CCL18: variants seen among roughly 807,000 people sequenced by gnomAD.
The protein encoded by CCL18 is C-C motif chemokine ligand 18.
A neutral mutation model predicts 8.0 loss-of-function variants in CCL18; 7 were observed. The ratio of observed to expected loss-of-function variants is 0.87; its 90% CI spans 0.50 to 1.64. CCL18 has a LOEUF of 1.64. CCL18 is among the 40% of genes most tolerant of loss of function. The pLI, the probability that CCL18 is intolerant of heterozygous loss-of-function variation, is 0.00. For synonymous variants in CCL18, 35 were observed against 41.3 expected, an observed-to-expected ratio of 0.85 and a Z score of 0.59; for missense variants, 95 against 107.8, an observed-to-expected ratio of 0.88 and a Z score of 0.52.
intron 1 of CCL18, chr17:36,070,246 A>G: frequency 1.8e-6 from 1 of 547,624 alleles, no homozygotes; most frequent in Non-Finnish European, 3.2e-6. Flanking sequence ...GAGAATGAGA[A>G]ACACCAAGAG....
rs1403785432 is a variant in CCL18, at chr17:36,071,613, T to C, written c.*572T>C. 2 of 152,384 alleles carry C rather than the reference T, an allele frequency of 1.3e-5. No homozygotes were observed. The highest frequency in any genetic ancestry group is 4.8e-5 in the African/African-American group (2 of 41,452). The allele number at this position is 152,384 out of a possible 1,614,324, so 9.4% of individuals were successfully genotyped here. A position where few individuals can be genotyped will look rare whatever the true frequency, so the allele number is the denominator to read the frequency against. On this transcript the variant is annotated 3_prime_UTR_variant, in exon 3 of 3. Transcript: ENST00000616054. ...AGTACTTCTACAGTCATACCAGACA[T>C]TTCCCTGGAGATACTTTCCTGAAAA...
chr17:36,069,389 C>G (rs528317317), intron 1 of CCL18, among the ~76,000 whole-genome samples: 2 of 152,280 alleles, frequency 1.3e-5, no homozygotes, highest in Admixed American at 1.3e-4. Context: ...TGAGCTGAAG[C>G]TCTCCTGGTT....
At position 36,064,372 on chromosome 17, in the gene CCL18, C is replaced by G. The variant is rs369599857; in HGVS notation, c.30C>G (p.Val10=). 2 of 1,613,970 alleles carry G rather than the reference C, an allele frequency of 1.2e-6. No homozygotes were observed. The highest frequency in any genetic ancestry group is 2.7e-5 in the African/African-American group (2 of 74,918). Reference sequence around the variant, plus strand: ...AGGGCCTTGCAGCTGCCCTCCTTGTCCTCGTCTGCACCATGGCCCTCTGCT... The same window carrying G: ...AGGGCCTTGCAGCTGCCCTCCTTGTGCTCGTCTGCACCATGGCCCTCTGCT... The part of the protein sequence containing the change: MKGLAAALL[V]LVCTMALCSC... Residue 10 remains valine (V), a synonymous_variant, in exon 1 of 3, where the codon GTC becomes GTG. Coordinates refer to ENST00000616054, the MANE Select transcript of CCL18 (RefSeq NM_002988.4).
At chr17:36,066,246 C>A (rs536421110) in intron 1 of CCL18, among the ~76,000 whole-genome samples, 335 of 152,264 alleles carry the variant, frequency 2.2e-3, no homozygotes, top group Non-Finnish European at 3.8e-3. Flanking sequence ...CATAGGGAAA[C>A]AACTCTAAAA....
rs1598794594 is a variant in CCL18, at chr17:36,071,172, C to T, written c.*131C>T. 1.7e-6 allele frequency: 1 copy of T among 597,202 alleles called. No homozygotes were observed. The highest frequency in any genetic ancestry group is 1.9e-5 in the African/African-American group (1 of 53,256). 37.0% of individuals were successfully genotyped at this position (597,202 alleles called of 1,614,324 possible). On this transcript the variant is annotated 3_prime_UTR_variant, in exon 3 of 3. Coordinates refer to ENST00000616054, the MANE Select transcript of CCL18 (RefSeq NM_002988.4). ...GAGTCCCATCTGCTATGCCCAGCCA[C>T]ATTAACTAACTTTAATCTTAGTTTA...
At chr17:36,066,562 G>C (rs932239015) in intron 1 of CCL18, among the ~76,000 whole-genome samples, 6 of 152,238 alleles carry the variant, frequency 3.9e-5, no homozygotes, top group African/African-American at 1.4e-4. Flanking sequence ...GGGGTACCTT[G>C]GGTCCCCCAG....
chr17:36,070,523 T>C lies in CCL18; in HGVS notation c.144T>C (p.Ser48=), dbSNP rs749277496. ...CACAAAAGTTCATAGTTGACTATTC[T>C]GAAACCAGCCCCCAGTGCCCCAAGC... ...QIPQKFIVDY[S]ETSPQCPKPG... is the part of the protein sequence containing the mutation. The change falls in exon 2 of 3, where the codon TCT becomes TCC. Residue 48 remains serine (S), a synonymous_variant. Transcript: ENST00000616054. 6.2e-7 allele frequency: 1 copy of C among 1,613,726 alleles called. No individual in the cohort carries two copies. Among genetic ancestry groups the C allele is most frequent in the Admixed American group, 1.7e-5 (1 of 60,008 alleles).
At chr17:36,068,644 A>G (rs1598792830) in intron 1 of CCL18, among the ~76,000 whole-genome samples, 1 of 152,180 alleles carries the variant, frequency 6.6e-6, no homozygotes, top group South Asian at 2.1e-4. Flanking sequence ...CTGTACTCCT[A>G]TGAGACTCCC....
chr17:36,066,266 G>A (rs1022390511), intron 1 of CCL18, among the ~76,000 whole-genome samples: 4 of 152,206 alleles, frequency 2.6e-5, no homozygotes, highest in Non-Finnish European at 4.4e-5. Context: ...ATGAAGAAAG[G>A]ACAAGGGTCA....
chr17:36,070,523 T>A lies in CCL18; in HGVS notation c.144T>A (p.Ser48=). Residue 48 remains serine, a synonymous_variant, in exon 2 of 3, where the codon TCT becomes TCA. Transcript: ENST00000616054. ...CACAAAAGTTCATAGTTGACTATTC[T>A]GAAACCAGCCCCCAGTGCCCCAAGC... ...QIPQKFIVDY[S]ETSPQCPKPG... 1.2e-6 allele frequency: 2 copies of A among 1,613,844 alleles called. No homozygotes were observed. The highest frequency in any genetic ancestry group is 1.7e-6 in the Non-Finnish European group (2 of 1,179,680).
chr17:36,070,100 G>T (rs1275476839), intron 1 of CCL18, among the ~76,000 whole-genome samples: 1 of 152,092 alleles, frequency 6.6e-6, no homozygotes, highest in African/African-American at 2.4e-5. Context: ...GGTCCAATTG[G>T]TTCTCAGTGG....
intron 1 of CCL18, among the ~76,000 whole-genome samples, chr17:36,069,084 G>GCTTC (rs1366937834): frequency 1.3e-5 from 2 of 152,044 alleles, no homozygotes; most frequent in Non-Finnish European, 2.9e-5. Flanking sequence ...CACACTCTTG[G>GCTTC]CTTCAAGCAA....
rs1012217924 is a variant in CCL18 at position 36,071,125 on chromosome 17, C to T, written c.*84C>T. The T allele has an allele frequency of 1.2e-6, 1 of 842,094 alleles. No homozygotes were observed. Among genetic ancestry groups the T allele is most frequent in the Non-Finnish European group, 1.9e-6 (1 of 512,980 alleles). 52.2% of individuals were successfully genotyped at this position (842,094 alleles called of 1,614,324 possible). A position where few individuals can be genotyped will look rare whatever the true frequency, so the allele number is the denominator to read the frequency against. ...CTGAGCCAGGGCAATGGCCCTGCCA[C>T]CCTGGAGGCTACCTCTTCTAAGAGT... On this transcript the variant is annotated 3_prime_UTR_variant, in exon 3 of 3. Coordinates refer to ENST00000616054, the MANE Select transcript of CCL18 (RefSeq NM_002988.4).
chr17:36,069,723 T>TC (rs1383190774), intron 1 of CCL18, among the ~76,000 whole-genome samples: 1 of 152,176 alleles, frequency 6.6e-6, no homozygotes, highest in Non-Finnish European at 1.5e-5. Flanking sequence ...GTTCAGCTCT[T>TC]CCCGGCAGCC....
intron 1 of CCL18, among the ~76,000 whole-genome samples, chr17:36,070,148 C>A (rs1201194938): frequency 6.6e-6 from 1 of 152,020 alleles, no homozygotes; most frequent in African/African-American, 2.4e-5. Context: ...AGATGGAACT[C>A]CCCAAGGAGA....
At chr17:36,066,534 C>T (rs768744264) in intron 1 of CCL18, among the ~76,000 whole-genome samples, 2 of 152,228 alleles carry the variant, frequency 1.3e-5, no homozygotes, top group East Asian at 1.9e-4. Context: ...TGGTGTCTTG[C>T]TCTGAGTTGT....
At chr17:36,068,501 T>A (rs1169438785) in intron 1 of CCL18, among the ~76,000 whole-genome samples, 1 of 152,248 alleles carries the variant, frequency 6.6e-6, no homozygotes, top group Non-Finnish European at 1.5e-5. Context: ...AGATTCTAAA[T>A]GAGTTTTTAT....
chr17:36,067,832 C>T (rs71377878), intron 1 of CCL18, among the ~76,000 whole-genome samples: 2,285 of 152,320 alleles, frequency 0.015, 47 homozygotes, highest in African/African-American at 0.052. Context: ...CAGTCATATG[C>T]TGCATAACAA....
chr17:36,070,284 A>T (rs774475958), intron 1 of CCL18, 163 bp from the exon 2 acceptor site: 14 of 531,460 alleles, frequency 2.6e-5, no homozygotes, highest in Admixed American at 6.7e-5. Flanking sequence ...AATGTCAGGG[A>T]AAAGAAGAAA....
Sources: gnomAD v4.1 joint callset for allele counts (sites outside exome capture counted in the v4.1 genomes callset) on GRCh38, gnomAD v4.1.1 for gene constraint, MANE v1.5 for transcripts, NCBI Gene and HGNC (gene_info 2026-07-23, HGNC 2026-07-21) for gene names.